Variants in KHDRBS3 observed in about 807,000 individuals in gnomAD.
KHDRBS3 encodes KH domain-containing, RNA-binding, signal transduction-associated protein 3.
Under a neutral mutation model 45.6 loss-of-function variants are expected in KHDRBS3, and 23 were observed. That is an observed-to-expected ratio of 0.50 (90% CI 0.36 to 0.72). The LOEUF (loss-of-function observed/expected upper bound fraction) is 0.72, where lower values mean the gene tolerates loss of function less well. Ranked by LOEUF, KHDRBS3 falls within the 30% of genes least tolerant of loss-of-function variation. The pLI is 0.00. For missense variants in KHDRBS3, 352 were observed against 424.8 expected (o/e 0.83, Z 1.51); for synonymous variants, 162 against 156.5 (o/e 1.04, Z -0.26).
At chr8:135,647,853 T>C (rs1563832158), downstream of KHDRBS3, 1 of 152,256 alleles carries the variant, frequency 6.6e-6, no homozygotes, top group Non-Finnish European at 1.5e-5. Flanking sequence ...CACGTTAAAC[T>C]ACGCAAAACC....
At chr8:135,551,284 T>A (rs555144660) in intron 4 of KHDRBS3, among the ~76,000 whole-genome samples, 1 of 152,250 alleles carries the variant, frequency 6.6e-6, no homozygotes, top group South Asian at 2.1e-4. Flanking sequence ...TCCACTCCAT[T>A]CCGTTCCTTA....
At chr8:135,465,634 G>A (rs917063549) in intron 1 of KHDRBS3, among the ~76,000 whole-genome samples, 8 of 152,102 alleles carry the variant, frequency 5.3e-5, no homozygotes, top group African/African-American at 1.9e-4. Flanking sequence ...TCCATAAACA[G>A]TTTTAAGACT....
At chr8:135,641,156 A>G (rs1831041529) in intron 7 of KHDRBS3, among the ~76,000 whole-genome samples, 1 of 152,202 alleles carries the variant, frequency 6.6e-6, no homozygotes, top group Admixed American at 6.5e-5. Context: ...TTGTGCATTA[A>G]AAAACATTCT....
intron 4 of KHDRBS3, among the ~76,000 whole-genome samples, chr8:135,554,776 A>T (rs1826791683): frequency 6.6e-6 from 1 of 152,158 alleles, no homozygotes; most frequent in South Asian, 2.1e-4. Flanking sequence ...GTTTCAAGTC[A>T]TTTTTTGCAT....
At chr8:135,514,324 A>G (rs1824454830) in intron 1 of KHDRBS3, among the ~76,000 whole-genome samples, 2 of 152,258 alleles carry the variant, frequency 1.3e-5, no homozygotes, top group Admixed American at 6.5e-5. Flanking sequence ...ATATCTGTCA[A>G]CCAATGAATG....
At chr8:135,481,410 C>G (rs1248915969) in intron 1 of KHDRBS3, among the ~76,000 whole-genome samples, 1 of 151,176 alleles carries the variant, frequency 6.6e-6, no homozygotes, top group African/African-American at 2.4e-5. Context: ...TGAGTACCCA[C>G]TTCTGATCTC....
rs111451381 is a variant in KHDRBS3, at chr8:135,623,177, A to G, written c.890+16140A>G. ...AGTGACAGTATCTGTAATTGATAGT[A>G]TTTTGTAAGTCATCCTTTGCCAGAA... On this transcript the variant is annotated intron_variant, in intron 7 of 8. Coordinates refer to ENST00000355849, the MANE Select transcript of KHDRBS3 (RefSeq NM_006558.3). Among the ~76,000 whole-genome samples the G allele has an allele frequency of 1.2e-3, 190 of 152,346 alleles. 1 individual carries two copies. The highest frequency in any genetic ancestry group is 3.9e-3 in the African/African-American group (162 of 41,582).
chr8:135,560,199 C>T (rs1391395266), intron 5 of KHDRBS3, among the ~76,000 whole-genome samples: 1 of 151,782 alleles, frequency 6.6e-6, no homozygotes, highest in Admixed American at 6.6e-5. Context: ...ATATATATCT[C>T]TTATGATGAA....
chr8:135,529,874 C>T (rs901814932), intron 2 of KHDRBS3, among the ~76,000 whole-genome samples: 5 of 151,944 alleles, frequency 3.3e-5, no homozygotes, highest in Non-Finnish European at 7.4e-5. Context: ...CAGTGAAACC[C>T]TGTCTCTACT....
chr8:135,555,068 C>T (rs1826806572), intron 4 of KHDRBS3, among the ~76,000 whole-genome samples: 1 of 152,180 alleles, frequency 6.6e-6, no homozygotes. Flanking sequence ...ATTCCATCTC[C>T]ACCTTTCACC....
At chr8:135,567,472 A>T (rs1332276674) in intron 5 of KHDRBS3, among the ~76,000 whole-genome samples, 1 of 152,246 alleles carries the variant, frequency 6.6e-6, no homozygotes, top group African/African-American at 2.4e-5. Context: ...TTTTCTGAGC[A>T]TGTAGCACCC....
At chr8:135,483,605 G>C (rs551853314) in intron 1 of KHDRBS3, among the ~76,000 whole-genome samples, 1 of 152,288 alleles carries the variant, frequency 6.6e-6, no homozygotes, top group South Asian at 2.1e-4. Context: ...AACAGAGGAG[G>C]ATATTCATGT....
At chr8:135,467,818 T>C (rs1482210861) in intron 1 of KHDRBS3, among the ~76,000 whole-genome samples, 1 of 152,268 alleles carries the variant, frequency 6.6e-6, no homozygotes, top group Non-Finnish European at 1.5e-5. Flanking sequence ...TTAATACTTC[T>C]GTGAGGAGAT....
At chr8:135,553,498 A>T (rs1455641594) in intron 4 of KHDRBS3, among the ~76,000 whole-genome samples, 1 of 152,134 alleles carries the variant, frequency 6.6e-6, no homozygotes, top group African/African-American at 2.4e-5. Context: ...TGTCTGCATA[A>T]TATTTTATTA....
intron 1 of KHDRBS3, among the ~76,000 whole-genome samples, chr8:135,520,366 A>G (rs1476805967): frequency 6.6e-6 from 1 of 152,198 alleles, no homozygotes; most frequent in Non-Finnish European, 1.5e-5. Flanking sequence ...CTCTTGTGCA[A>G]CCAAATACTA....
intron 5 of KHDRBS3, among the ~76,000 whole-genome samples, chr8:135,558,467 TC>T (rs1827002578): frequency 6.6e-6 from 1 of 152,228 alleles, no homozygotes; most frequent in African/African-American, 2.4e-5. Context: ...TTCTTGTATA[TC>T]TCTAAGTTTA....
chr8:135,631,252 GAAAAAAAAAA>G (rs35613635), intron 7 of KHDRBS3, among the ~76,000 whole-genome samples: 17 of 74,988 alleles, frequency 2.3e-4, no homozygotes, highest in Non-Finnish European at 3.0e-4. Flanking sequence ...CTCCGTCTCG[GAAAAAAAAAA>G]AAAAAAAAAA....
At position 135,645,992 on chromosome 8, in the gene KHDRBS3, A is replaced by ATTTTTTTTTTTTTTTTTT. The variant is rs57082119; in HGVS notation, c.949+888_949+905dup. On this transcript the variant is annotated intron_variant, in intron 8 of 8. Coordinates refer to ENST00000355849, the MANE Select transcript of KHDRBS3 (RefSeq NM_006558.3). The stretch of plus-strand genomic sequence containing the variant: ...TGAAGCTGTGATGGCTGCACCTTGG[A>ATTTTTTTTTTTTTTTTTT]TTTTTTTTTTTTTTTTTTTTTTTTT... 5.0e-5 allele frequency among the ~76,000 whole-genome samples: 5 copies of ATTTTTTTTTTTTTTTTTT among 100,688 alleles called. 1 individual carries two copies. The highest frequency in any genetic ancestry group is 5.5e-5 in the Non-Finnish European group (3 of 54,768). 66.1% of individuals were successfully genotyped at this position (100,688 alleles called of 152,430 possible).
At chr8:135,643,029 G>C (rs937285149) in intron 7 of KHDRBS3, among the ~76,000 whole-genome samples, 1 of 152,006 alleles carries the variant, frequency 6.6e-6, no homozygotes, top group Non-Finnish European at 1.5e-5. Flanking sequence ...TTCTGACCTC[G>C]TGATCCGCCC....
Sources: gnomAD v4.1 joint callset for allele counts (sites outside exome capture counted in the v4.1 genomes callset) on GRCh38, gnomAD v4.1.1 for gene constraint, MANE v1.5 for transcripts, NCBI Gene and HGNC (gene_info 2026-07-23, HGNC 2026-07-21) for gene names.